The following RPS6KA2 variants were observed in gnomAD, a reference collection of about 807,000 sequenced individuals.
RPS6KA2 encodes the protein ribosomal protein S6 kinase alpha-2.
RPS6KA2 carries 42 observed loss-of-function variants against 91.8 expected under a neutral mutation model. That is an observed-to-expected ratio of 0.46 (90% CI 0.36 to 0.59). The LOEUF is 0.59. Ranked by LOEUF, RPS6KA2 falls within the 20% of genes least tolerant of loss-of-function variation. The pLI is 0.00. For synonymous variants in RPS6KA2, 414 were observed against 393.6 expected (o/e 1.05, Z -0.61); for missense variants, 798 against 978.5 (o/e 0.82, Z 2.46).
Position 166,825,567 on chromosome 6 carries a change from T to TACTTACCCTAGACTGGGTGGCTTG in RPS6KA2, c.123+32632_123+32633insCAAGCCACCCAGTCTAGGGTAAGT, listed in dbSNP as rs1562459065. On this transcript the variant is annotated intron_variant, in intron 2 of 21. Transcript: ENST00000503859. The surrounding 1 kb of genome is among the most constrained non-coding windows in gnomAD (Gnocchi z 4.1). ...CTACTTACCCTAGACTGGGTGGCTTTTAAACAACAGAAATGTAGTGGTCCC... is the reference window on the plus strand; with the variant it reads ...CTACTTACCCTAGACTGGGTGGCTTTACTTACCCTAGACTGGGTGGCTTGTAAACAACAGAAATGTAGTGGTCCC... Among the ~76,000 whole-genome samples, 45 of 152,128 alleles carry TACTTACCCTAGACTGGGTGGCTTG rather than the reference T, an allele frequency of 3.0e-4. 1 individual carries two copies. In the East Asian group the frequency reaches 6.6e-3, roughly 22 times the overall value.
chr6:166,846,861 A>G (rs1426401501), intron 2 of RPS6KA2, among the ~76,000 whole-genome samples: 1 of 152,174 alleles, frequency 6.6e-6, no homozygotes, highest in Admixed American at 6.5e-5. Flanking sequence ...CCTAGCCAGA[A>G]CAATCACACA....
chr6:166,477,188 G>C (rs549805036), intron 10 of RPS6KA2, among the ~76,000 whole-genome samples: 1 of 152,124 alleles, frequency 6.6e-6, no homozygotes, highest in Non-Finnish European at 1.5e-5. Context: ...TCTTCATGTT[G>C]AGCCTGGGCA....
chr6:166,795,477 T>G lies in RPS6KA2; in HGVS notation c.123+62723A>C, dbSNP rs562085823. Reference sequence around the variant, plus strand: ...TTAAAGAGCCAGTGCCCAGCAAGAGTGACTTTCTTCTTGAACCTGACAGCC... The same window carrying G: ...TTAAAGAGCCAGTGCCCAGCAAGAGGGACTTTCTTCTTGAACCTGACAGCC... On this transcript the variant is annotated intron_variant, in intron 2 of 21. Coordinates refer to the RPS6KA2 transcript ENST00000503859. Among the ~76,000 whole-genome samples, 3 of 152,100 alleles carry G rather than the reference T, an allele frequency of 2.0e-5. No individual in the cohort carries two copies. In the South Asian group the frequency reaches 6.2e-4, roughly 32 times the overall value.
intron 11 of RPS6KA2, 114 bp downstream of exon 11, chr6:166,469,727 C>T (rs2128464843): frequency 1.0e-6 from 1 of 973,434 alleles, no homozygotes; most frequent in South Asian, 1.3e-5. Context: ...TCTACATTCA[C>T]CTCCGACCTA....
intron 3 of RPS6KA2, among the ~76,000 whole-genome samples, chr6:166,529,233 A>G (rs1219075189): frequency 6.6e-6 from 1 of 152,250 alleles, no homozygotes; most frequent in Non-Finnish European, 1.5e-5. Flanking sequence ...ATGGAATACT[A>G]TGCAGCCATA....
At position 166,448,771 on chromosome 6, in the gene RPS6KA2, A is replaced by T; in HGVS notation, c.1285T>A (p.Cys429Ser). The T allele has an allele frequency of 1.2e-6, 2 of 1,613,526 alleles. No homozygotes were observed. Among genetic ancestry groups the T allele is most frequent in the Non-Finnish European group, 1.7e-6 (2 of 1,179,884 alleles). The change falls in exon 14 of 21, where the codon TGC becomes AGC. Residue 429 changes from cysteine (C) to serine (S), a missense_variant. Transcript: ENST00000265678. This position sits in a 1 kb window ranked among gnomAD's most constrained non-coding sequence, Gnocchi z 4.7. ...EDIGVGSYSV[C>S]KRCVHKATDT... ...GTGGCTTTATGCACACATCGCTTGCACACTGAGTAGGAGCCCACCCCGATG... is the reference window on the plus strand; with the variant it reads ...GTGGCTTTATGCACACATCGCTTGCTCACTGAGTAGGAGCCCACCCCGATG...
intron 12 of RPS6KA2, among the ~76,000 whole-genome samples, chr6:166,455,911 T>C (rs976450902): frequency 2.0e-5 from 3 of 152,254 alleles, no homozygotes; most frequent in African/African-American, 7.2e-5. Flanking sequence ...CTTAGGGATT[T>C]AGACTCAGAG....
At chr6:166,451,972 C>T (rs1200264560) in intron 12 of RPS6KA2, among the ~76,000 whole-genome samples, 2 of 152,098 alleles carry the variant, frequency 1.3e-5, no homozygotes, top group East Asian at 1.9e-4. Flanking sequence ...CTCTATTGCC[C>T]GAAAGCTCCC....
At chr6:166,679,844 G>A (rs575771554) in intron 2 of RPS6KA2, among the ~76,000 whole-genome samples, 3 of 152,226 alleles carry the variant, frequency 2.0e-5, no homozygotes, top group Non-Finnish European at 2.9e-5. Context: ...GGCAAGCCCC[G>A]CACTCAGCGC....
chr6:166,655,132 A>G (rs905013425), intron 2 of RPS6KA2, among the ~76,000 whole-genome samples: 5 of 152,236 alleles, frequency 3.3e-5, no homozygotes, highest in African/African-American at 1.2e-4. Flanking sequence ...ATTTTTGTTC[A>G]TATATATTGA....
At chr6:166,602,552 C>T (rs1458195684) in intron 1 of RPS6KA2, among the ~76,000 whole-genome samples, 1 of 152,186 alleles carries the variant, frequency 6.6e-6, no homozygotes, top group African/African-American at 2.4e-5. Flanking sequence ...CCAAGCGCTA[C>T]CCATCAGCAT....
At chr6:166,425,682 A>G (rs1335146520) in intron 16 of RPS6KA2, among the ~76,000 whole-genome samples, 3 of 151,976 alleles carry the variant, frequency 2.0e-5, no homozygotes, top group Non-Finnish European at 4.4e-5. Context: ...CTTTAAACCA[A>G]CAAAGATCAA....
chr6:166,781,933 G>A (rs1357197798), intron 2 of RPS6KA2, among the ~76,000 whole-genome samples: 2 of 152,182 alleles, frequency 1.3e-5, no homozygotes, highest in African/African-American at 4.8e-5. Flanking sequence ...AGTATATCTG[G>A]CCTTGACCCA....
chr6:166,551,178 A>G (rs1784012803), intron 1 of RPS6KA2, among the ~76,000 whole-genome samples: 2 of 152,104 alleles, frequency 1.3e-5, no homozygotes, highest in African/African-American at 2.4e-5. Flanking sequence ...ACCAGCGACC[A>G]TCTCTTTTGT....
intron 2 of RPS6KA2, among the ~76,000 whole-genome samples, chr6:166,787,943 T>G (rs1440391799): frequency 2.7e-5 from 3 of 112,280 alleles, no homozygotes; most frequent in Non-Finnish European, 5.2e-5. Flanking sequence ...AGGGCTAATA[T>G]CCAGAATCTA....
intron 2 of RPS6KA2, among the ~76,000 whole-genome samples, chr6:166,642,042 T>C (rs1293777391): frequency 6.6e-6 from 1 of 151,788 alleles, no homozygotes; most frequent in Non-Finnish European, 1.5e-5. Flanking sequence ...TTCATATTTA[T>C]AAAGACCCCC....
At position 166,490,857 on chromosome 6, in the gene RPS6KA2, A is replaced by C. The variant is rs1185018926; in HGVS notation, c.748-116T>G. On this transcript the variant is annotated intron_variant, in intron 8 of 20. Coordinates refer to ENST00000265678, the MANE Select transcript of RPS6KA2 (RefSeq NM_021135.6). This position sits in a 1 kb window ranked among gnomAD's most constrained non-coding sequence, Gnocchi z 4.2. ...GTCCATTTCCTCATGCAAAATCTCCATCAGTCAATTGTAGCCACTGGCCTA... is the reference window on the plus strand; with the variant it reads ...GTCCATTTCCTCATGCAAAATCTCCCTCAGTCAATTGTAGCCACTGGCCTA... The C allele has an allele frequency of 4.4e-4, 317 of 727,104 alleles. No individual in the cohort carries two copies. The highest frequency in any genetic ancestry group is 7.2e-4 in the Middle Eastern group (3 of 4,188). The allele number at this position is 727,104 out of a possible 1,614,324, so 45.0% of individuals were successfully genotyped here. A position where few individuals can be genotyped will look rare whatever the true frequency, so the allele number is the denominator to read the frequency against.
At chr6:166,565,112 G>A (rs1301044054) in intron 1 of RPS6KA2, among the ~76,000 whole-genome samples, 1 of 152,176 alleles carries the variant, frequency 6.6e-6, no homozygotes, top group Non-Finnish European at 1.5e-5. Flanking sequence ...TCTTCCTGTT[G>A]AGTCTGGCTT....
At chr6:166,531,126 T>C in intron 3 of RPS6KA2, 106 bp downstream of exon 3, 3 of 797,540 alleles carry the variant, frequency 3.8e-6, no homozygotes, top group Non-Finnish European at 6.7e-6. Context: ...TTTAGAGACA[T>C]TTTCAGAAAT....
Sources: gnomAD v4.1 joint callset for allele counts (sites outside exome capture counted in the v4.1 genomes callset) on GRCh38, gnomAD v4.1.1 for gene constraint, Gnocchi (gnomAD v3.1) non-coding constraint, MANE v1.5 for transcripts, NCBI Gene and HGNC (gene_info 2026-07-23, HGNC 2026-07-21) for gene names.